Variants in IDH3A observed in about 807,000 individuals in gnomAD.
IDH3A encodes isocitrate dehydrogenase (NAD(+)) 3 catalytic subunit alpha, also known as isocitrate dehydrogenase [NAD] subunit alpha, mitochondrial.
IDH3A carries 23 observed loss-of-function variants against 43.3 expected under a neutral mutation model. That is an observed-to-expected ratio of 0.53 (90% CI 0.38 to 0.75). The LOEUF is 0.75. Ranked by LOEUF, IDH3A falls within the 30% of genes least tolerant of loss-of-function variation. The probability of loss-of-function intolerance (pLI) is 0.00; values close to 1 mark genes in which losing one functional copy is unlikely to be tolerated. For synonymous variants in IDH3A, 154 were observed against 163.5 expected (o/e 0.94, Z 0.44); for missense variants, 329 against 474.4 (o/e 0.69, Z 2.85).
chr15:78,160,013 G>T, intron 3 of IDH3A, 79 bp from the exon 4 acceptor site: 1 of 862,194 alleles, frequency 1.2e-6, no homozygotes, highest in Non-Finnish European at 2.0e-6. Context: ...AGTTGAAAAA[G>T]TTTGTTCATC....
At chr15:78,159,626 C>T (rs1008149976) in intron 3 of IDH3A, among the ~76,000 whole-genome samples, 1 of 152,140 alleles carries the variant, frequency 6.6e-6, no homozygotes, top group Non-Finnish European at 1.5e-5. Context: ...TCTGGGCCTG[C>T]TAGAGAATGA....
intron 1 of IDH3A, among the ~76,000 whole-genome samples, chr15:78,149,998 T>G (rs1300129132): frequency 6.6e-6 from 1 of 152,234 alleles, no homozygotes; most frequent in Non-Finnish European, 1.5e-5. Context: ...TTGGCGCTCT[T>G]CCCAGTCAGA....
chr15:78,162,970 C>A (rs1349473871), intron 6 of IDH3A, among the ~76,000 whole-genome samples: 1 of 152,128 alleles, frequency 6.6e-6, no homozygotes, highest in African/African-American at 2.4e-5. Context: ...ATTGGAGCCT[C>A]GGGGTCCCCA....
Position 78,149,391 on chromosome 15 carries a change from A to C in IDH3A, c.-13A>C, listed in dbSNP as rs1475804887. On this transcript the variant is annotated 5_prime_UTR_variant, in exon 1 of 11. Coordinates refer to ENST00000299518, the MANE Select transcript of IDH3A (RefSeq NM_005530.3). ...CCGCTGCGGCTGTTGCTGCGGAGCC[A>C]GGAGGGGAAGCGATGGCTGGGCCCG... is the stretch of plus-strand genomic sequence containing the variant. The C allele has an allele frequency of 6.5e-7, 1 of 1,543,878 alleles. No homozygotes were observed. The highest frequency in any genetic ancestry group is 8.7e-7 in the Non-Finnish European group (1 of 1,152,498).
intron 1 of IDH3A, among the ~76,000 whole-genome samples, chr15:78,151,796 G>GATATAT (rs141975807): frequency 6.7e-6 from 1 of 149,044 alleles, no homozygotes; most frequent in Non-Finnish European, 1.5e-5. Flanking sequence ...AATGATGTGA[G>GATATAT]ATATATATAT....
Position 78,171,639 on chromosome 15 carries a change from G to A in IDH3A, c.*2634G>A. On this transcript the variant is annotated 3_prime_UTR_variant, in exon 11 of 11. Coordinates refer to ENST00000299518, the MANE Select transcript of IDH3A (RefSeq NM_005530.3). ...TATATATAACTCAGGAATTAAGCCA[G>A]ATAATCAGGACCGTCAGTAGCCAGC... 3 of 876,632 alleles carry A rather than the reference G, an allele frequency of 3.4e-6. No individual in the cohort carries two copies. The South Asian group carries it at 4.5e-5, about 13-fold the overall frequency. 54.3% of individuals were successfully genotyped at this position (876,632 alleles called of 1,614,324 possible).
intron 1 of IDH3A, among the ~76,000 whole-genome samples, chr15:78,152,357 C>CTTTTTTTT (rs33914139): frequency 1.2e-5 from 1 of 80,710 alleles, no homozygotes. Context: ...TGCGCCCGGC[C>CTTTTTTTT]TTTTTTTTTT....
At chr15:78,168,181 A>C (rs1456849630) in intron 10 of IDH3A, 1 of 151,964 alleles carries the variant, frequency 6.6e-6, no homozygotes, top group African/African-American at 2.4e-5. Context: ...AGTTGCAGCT[A>C]TAGGCTGAGG....
rs1046758073 is a variant in IDH3A, at chr15:78,157,256, T to C, written c.91-292T>C. The C allele has an allele frequency of 7.0e-6, 6 of 863,030 alleles. No homozygotes were observed. The East Asian group carries it at 1.6e-4, about 23-fold the overall frequency. 53.5% of individuals were successfully genotyped at this position (863,030 alleles called of 1,614,324 possible). On this transcript the variant is annotated intron_variant, in intron 2 of 10. Transcript: ENST00000299518. ...TTTGCAGCTTGTCTGAAAAGAAATATCAATTAGGAAATCTACTTGGTAGTT... is the reference window on the plus strand; with the variant it reads ...TTTGCAGCTTGTCTGAAAAGAAATACCAATTAGGAAATCTACTTGGTAGTT...
chr15:78,157,193 G>A (rs562243540), intron 2 of IDH3A: 1 of 1,111,376 alleles, frequency 9.0e-7, no homozygotes, highest in Admixed American at 4.6e-5. Flanking sequence ...TTTTGTTGTT[G>A]TTGTCTTTGG....
intron 3 of IDH3A, among the ~76,000 whole-genome samples, chr15:78,159,287 C>T (rs940133116): frequency 6.6e-6 from 1 of 152,092 alleles, no homozygotes; most frequent in African/African-American, 2.4e-5. Context: ...CGTCTCTCTC[C>T]CTCCCTACCC....
At position 78,166,157 on chromosome 15, in the gene IDH3A, G is replaced by A; in HGVS notation, c.872G>A (p.Gly291Glu). 1 of 1,613,788 alleles carries A rather than the reference G, an allele frequency of 6.2e-7. No individual in the cohort carries two copies. Among genetic ancestry groups the A allele is most frequent in the Non-Finnish European group, 8.5e-7 (1 of 1,179,752 alleles). The change falls in exon 10 of 11, where the codon GGG becomes GAG. Residue 291 changes from glycine (G) to glutamate (E), a missense_variant. Physicochemically the swap from Gly to Glu is moderately conservative, Grantham distance 98. Coordinates refer to ENST00000299518, the MANE Select transcript of IDH3A (RefSeq NM_005530.3). ...NGVAIFESVH[G>E]TAPDIAGKDM... ...ACTTTTCCCGATGTGTAGGTTCATGGGACGGCTCCAGACATTGCAGGCAAG... is the reference window on the plus strand; with the variant it reads ...ACTTTTCCCGATGTGTAGGTTCATGAGACGGCTCCAGACATTGCAGGCAAG...
At chr15:78,154,825 T>TTTCTTAGAA (rs1394694102) in intron 1 of IDH3A, 1 of 156,142 alleles carries the variant, frequency 6.4e-6, no homozygotes, top group Non-Finnish European at 1.4e-5. Context: ...TAATGGTAAT[T>TTTCTTAGAA]TTCTTAGAAT....
intron 1 of IDH3A, chr15:78,150,871 C>T (rs1596373496): frequency 6.6e-6 from 1 of 152,176 alleles, no homozygotes; most frequent in African/African-American, 2.4e-5. Flanking sequence ...CACATTTGCT[C>T]CTAAAAGTAA....
chr15:78,166,968 C>G (rs2074750856), intron 10 of IDH3A, among the ~76,000 whole-genome samples: 1 of 152,168 alleles, frequency 6.6e-6, no homozygotes, highest in Non-Finnish European at 1.5e-5. Context: ...TTTTACTCTT[C>G]ACAACAAACG....
chr15:78,165,104 C>G, intron 9 of IDH3A, 28 bp downstream of exon 9: 13 of 1,428,102 alleles, frequency 9.1e-6, no homozygotes, highest in Non-Finnish European at 1.3e-5. Context: ...TGAAACAGAA[C>G]TCAGGTCAGA....
At position 78,163,776 on chromosome 15, in the gene IDH3A, C is replaced by A; in HGVS notation, c.775C>A (p.Leu259Ile). Reference sequence around the variant, plus strand: ...TATGCCAAATTTGTATGGAGACATCCTTAGGTGAGTCTGGCTGCAACCTAT... The same window carrying A: ...TATGCCAAATTTGTATGGAGACATCATTAGGTGAGTCTGGCTGCAACCTAT... ...LVMPNLYGDILSDLCAGLIGG... is the reference protein window; with the variant it reads ...LVMPNLYGDIISDLCAGLIGG... The change falls in exon 8 of 11, where the codon CTT becomes ATT. Residue 259 changes from leucine (L) to isoleucine (I), a missense_variant. Around this residue, in one of 3 missense-constraint regions of IDH3A, gnomAD observed 212 missense variants for 345.5 expected, o/e 0.61. Transcript: ENST00000299518. The A allele has an allele frequency of 6.2e-7, 1 of 1,604,590 alleles. No homozygotes were observed. Among genetic ancestry groups the A allele is most frequent in the Non-Finnish European group, 8.5e-7 (1 of 1,171,486 alleles).
chr15:78,165,194 G>GT, intron 9 of IDH3A, 118 bp downstream of exon 9: 1 of 630,184 alleles, frequency 1.6e-6, no homozygotes. Flanking sequence ...ACAAAATGAT[G>GT]CTTTTTTTTT....
At chr15:78,149,451 G>C in intron 1 of IDH3A, 21 bp downstream of exon 1, 1 of 1,533,204 alleles carries the variant, frequency 6.5e-7, no homozygotes, top group African/African-American at 1.4e-5. Flanking sequence ...GCAGGCCGGC[G>C]TGTGGCAGGC....
Sources: gnomAD v4.1 joint callset for allele counts (sites outside exome capture counted in the v4.1 genomes callset) on GRCh38, gnomAD v4.1.1 for gene constraint, gnomAD v4.1.1 regional missense constraint, MANE v1.5 for transcripts, NCBI Gene and HGNC (gene_info 2026-07-23, HGNC 2026-07-21) for gene names.